Variants in WDR59 observed in about 807,000 individuals in gnomAD.
The protein encoded by WDR59 is WD repeat domain 59.
WDR59 carries 100 observed loss-of-function variants against 131.2 expected under a neutral mutation model. The ratio of observed to expected loss-of-function variants is 0.76; its 90% CI spans 0.65 to 0.90. The LOEUF is 0.90. WDR59 is among the 40% of genes least tolerant of loss of function. WDR59 has a pLI of 0.00. For synonymous variants in WDR59, 601 were observed against 466.2 expected, an observed-to-expected ratio of 1.29 and a Z score of -3.72; for missense variants, 1,203 against 1,262.2, an observed-to-expected ratio of 0.95 and a Z score of 0.71.
chr16:74,936,703 G>A (rs569812843), intron 8 of WDR59, among the ~76,000 whole-genome samples: 36 of 152,246 alleles, frequency 2.4e-4, no homozygotes, highest in African/African-American at 8.7e-4. Context: ...GCGTGCATCT[G>A]TAATCCCAGC....
intron 8 of WDR59, 116 bp downstream of exon 8, chr16:74,938,034 G>T: frequency 1.5e-6 from 1 of 667,460 alleles, no homozygotes; most frequent in Non-Finnish European, 2.3e-6. Context: ...AGAAGCACAT[G>T]CACCGTGAAA....
intron 1 of WDR59, among the ~76,000 whole-genome samples, chr16:74,969,336 G>A (rs1474616013): frequency 2.7e-5 from 4 of 148,102 alleles, no homozygotes; most frequent in Non-Finnish European, 4.5e-5. Context: ...GCAATGGCAC[G>A]ATCTTGGCTC....
At chr16:74,903,670 C>G (rs1965662014) in intron 18 of WDR59, among the ~76,000 whole-genome samples, 1 of 151,406 alleles carries the variant, frequency 6.6e-6, no homozygotes, top group East Asian at 1.9e-4. Flanking sequence ...GGAATCAACT[C>G]AGGGAGTGGA....
chr16:74,883,286 G>A (rs1232734785), intron 25 of WDR59, among the ~76,000 whole-genome samples: 1 of 152,040 alleles, frequency 6.6e-6, no homozygotes, highest in Middle Eastern at 3.2e-3. Context: ...GCCTCCCAAA[G>A]TGCTGGGATT....
chr16:74,908,141 G>A (rs1965910047), intron 17 of WDR59, among the ~76,000 whole-genome samples: 1 of 151,936 alleles, frequency 6.6e-6, no homozygotes, highest in South Asian at 2.1e-4. Flanking sequence ...TTCCAGGCTG[G>A]GCATGGTGGC....
intron 3 of WDR59, among the ~76,000 whole-genome samples, chr16:74,953,859 G>A (rs150314486): frequency 0.046 from 6,971 of 151,998 alleles, 236 homozygotes; most frequent in East Asian, 0.17. Context: ...AAAATTAGCC[G>A]GGCATGGTGG....
intron 17 of WDR59, among the ~76,000 whole-genome samples, chr16:74,905,715 AT>A (rs1461795685): frequency 6.6e-6 from 1 of 151,220 alleles, no homozygotes; most frequent in African/African-American, 2.4e-5. Context: ...AAATAAAAAA[AT>A]AAAATAAAAT....
In WDR59 at chr16:74,916,158, G is replaced by A; in HGVS notation, c.1068C>T (p.His356=). Residue 356 remains histidine, a synonymous_variant, in exon 12 of 26, where the codon CAC becomes CAT. Coordinates refer to ENST00000262144, the MANE Select transcript of WDR59 (RefSeq NM_030581.4). ...EKTLHTEDTD[H]QHTASHGEEE... ...CCTCCCCATGGCTTGCAGTGTGCTGGTGATCTGTATCTTCAGTGTGCAGGG... is the reference window on the plus strand; with the variant it reads ...CCTCCCCATGGCTTGCAGTGTGCTGATGATCTGTATCTTCAGTGTGCAGGG... 1 of 1,614,172 alleles carries A rather than the reference G, an allele frequency of 6.2e-7. No homozygotes were observed. The highest frequency in any genetic ancestry group is 2.2e-5 in the East Asian group (1 of 44,888).
chr16:74,930,973 CA>C (rs1400043021), intron 8 of WDR59, among the ~76,000 whole-genome samples: 4 of 143,800 alleles, frequency 2.8e-5, no homozygotes, highest in East Asian at 2.0e-4. Flanking sequence ...ACTCCATCTC[CA>C]AAAAAAAAGG....
intron 25 of WDR59, among the ~76,000 whole-genome samples, chr16:74,881,082 T>C (rs5001472): frequency 0.015 from 2,289 of 152,280 alleles, 41 homozygotes; most frequent in African/African-American, 0.05. Context: ...AAGCGCATCA[T>C]ATACCACAGT....
chr16:74,957,247 A>C (rs180790538), intron 2 of WDR59, among the ~76,000 whole-genome samples: 23 of 151,380 alleles, frequency 1.5e-4, no homozygotes, highest in Non-Finnish European at 3.1e-4. Context: ...CGCCTAACTA[A>C]TTTTTGCATT....
chr16:74,872,881 G>T lies in WDR59; in HGVS notation c.*1328C>A, dbSNP rs1333078551. The T allele has an allele frequency of 6.6e-6, 1 of 151,892 alleles. No homozygotes were observed. Among genetic ancestry groups the T allele is most frequent in the Non-Finnish European group, 1.5e-5 (1 of 68,046 alleles). The allele number at this position is 151,892 out of a possible 1,614,324, so 9.4% of individuals were successfully genotyped here. A position where few individuals can be genotyped will look rare whatever the true frequency, so the allele number is the denominator to read the frequency against. On this transcript the variant is annotated 3_prime_UTR_variant, in exon 26 of 26. Coordinates refer to ENST00000262144, the MANE Select transcript of WDR59 (RefSeq NM_030581.4). ...CTCAAGTAGCTGGGACCACAGGCATGTGCCACCACACCCGGCTATTTTTTT... is the reference window on the plus strand; with the variant it reads ...CTCAAGTAGCTGGGACCACAGGCATTTGCCACCACACCCGGCTATTTTTTT...
chr16:74,949,589 C>A, intron 5 of WDR59, 129 bp downstream of exon 5: 1 of 723,662 alleles, frequency 1.4e-6, no homozygotes, highest in Non-Finnish European at 2.3e-6. Flanking sequence ...TATATTTGCG[C>A]TCAAATCTCT....
intron 8 of WDR59, among the ~76,000 whole-genome samples, chr16:74,931,043 C>G (rs1225684180): frequency 6.6e-6 from 1 of 151,336 alleles, no homozygotes; most frequent in Non-Finnish European, 1.5e-5. Flanking sequence ...CTGGAGAAAT[C>G]AGACTATGTA....
intron 7 of WDR59, among the ~76,000 whole-genome samples, chr16:74,940,782 T>C (rs1454842381): frequency 1.3e-5 from 2 of 152,114 alleles, no homozygotes; most frequent in African/African-American, 4.8e-5. Flanking sequence ...CTCGGCTCAC[T>C]GCAAGCTCCG....
intron 14 of WDR59, among the ~76,000 whole-genome samples, chr16:74,910,179 G>A (rs886939708): frequency 6.6e-6 from 1 of 151,996 alleles, no homozygotes; most frequent in African/African-American, 2.4e-5. Context: ...TGTTGGCCAG[G>A]CTGGTCTCGA....
intron 24 of WDR59, 75 bp downstream of exon 24, chr16:74,886,195 G>T (rs951605574): frequency 5.8e-6 from 6 of 1,031,476 alleles, no homozygotes; most frequent in Non-Finnish European, 8.2e-6. Flanking sequence ...AAAAAAGTAA[G>T]AGTTGTGATT....
chr16:74,913,201 GACAA>G (rs1371427059), intron 13 of WDR59, among the ~76,000 whole-genome samples: 1 of 151,908 alleles, frequency 6.6e-6, no homozygotes, highest in Non-Finnish European at 1.5e-5. Flanking sequence ...ACTACACAAA[GACAA>G]ACAACACAGA....
chr16:74,929,749 A>T (rs1453713251), intron 8 of WDR59, among the ~76,000 whole-genome samples: 4 of 152,242 alleles, frequency 2.6e-5, no homozygotes. Flanking sequence ...TTGCAGTATT[A>T]CTCACAATAG....
Sources: gnomAD v4.1 joint callset for allele counts (sites outside exome capture counted in the v4.1 genomes callset) on GRCh38, gnomAD v4.1.1 for gene constraint, MANE v1.5 for transcripts, NCBI Gene and HGNC (gene_info 2026-07-23, HGNC 2026-07-21) for gene names.